LRRC49: variants seen among roughly 807,000 people sequenced by gnomAD.
The protein encoded by LRRC49 is leucine-rich repeat-containing protein 49.
A neutral mutation model predicts 83.3 loss-of-function variants in LRRC49; 50 were observed. That is an observed-to-expected ratio of 0.60 (90% CI 0.48 to 0.76). The LOEUF is 0.76. Among genes scored for constraint, LRRC49 ranks in the 30% least tolerant of loss-of-function variants. The pLI, the probability that LRRC49 is intolerant of heterozygous loss-of-function variation, is 0.00. For missense variants in LRRC49, 704 were observed against 809.1 expected, an observed-to-expected ratio of 0.87 and a Z score of 1.58; for synonymous variants, 286 against 283.3, an observed-to-expected ratio of 1.01 and a Z score of -0.10.
chr15:71,002,798 C>T (rs2038307336), intron 11 of LRRC49, among the ~76,000 whole-genome samples: 1 of 152,036 alleles, frequency 6.6e-6, no homozygotes, highest in Non-Finnish European at 1.5e-5. Flanking sequence ...AATAATCCTC[C>T]TAAATAATGT....
At chr15:70,856,443 G>T (rs964056910) in intron 1 of LRRC49, among the ~76,000 whole-genome samples, 1 of 151,956 alleles carries the variant, frequency 6.6e-6, no homozygotes. Flanking sequence ...ACTCTTAGGG[G>T]TACCCATTAA....
At chr15:70,919,256 G>A (rs1278095939) in intron 7 of LRRC49, 63 bp downstream of exon 7, 2 of 1,369,554 alleles carry the variant, frequency 1.5e-6, no homozygotes, top group East Asian at 2.4e-5. Context: ...TGAAACAAAT[G>A]TTGTAATATG....
chr15:70,874,037 A>G (rs2033104046), intron 2 of LRRC49, among the ~76,000 whole-genome samples: 1 of 152,186 alleles, frequency 6.6e-6, no homozygotes, highest in South Asian at 2.1e-4. Flanking sequence ...TGTTGTTAGT[A>G]AACCAGTGTG....
intron 8 of LRRC49, among the ~76,000 whole-genome samples, chr15:70,947,392 T>C (rs1053468091): frequency 4.6e-5 from 7 of 152,126 alleles, no homozygotes; most frequent in Non-Finnish European, 1.0e-4. Flanking sequence ...AAAAAGGCAT[T>C]GTGGAGAGTA....
At chr15:70,928,041 C>G (rs925713000) in intron 7 of LRRC49, among the ~76,000 whole-genome samples, 28 of 152,098 alleles carry the variant, frequency 1.8e-4, no homozygotes, top group Admixed American at 2.6e-4. Flanking sequence ...TCTTCATTAT[C>G]TTTTATTTAA....
upstream of LRRC49, chr15:70,891,967 C>G (rs1387863768): frequency 4.3e-6 from 7 of 1,613,422 alleles, no homozygotes; most frequent in Admixed American, 1.2e-4. Flanking sequence ...CTTGGTCTCC[C>G]TCCTCTCCCC....
At chr15:70,951,732 C>T (rs925604873) in intron 8 of LRRC49, among the ~76,000 whole-genome samples, 24 of 152,112 alleles carry the variant, frequency 1.6e-4, no homozygotes, top group African/African-American at 5.8e-4. Flanking sequence ...TTCTGTCTCC[C>T]TAATTTAGAT....
At chr15:70,931,880 G>A (rs2035420554) in intron 7 of LRRC49, among the ~76,000 whole-genome samples, 1 of 152,086 alleles carries the variant, frequency 6.6e-6, no homozygotes, top group Non-Finnish European at 1.5e-5. Context: ...TTTTTATGAG[G>A]GGTCTTTTTA....
At chr15:70,931,258 G>A (rs887154849) in intron 7 of LRRC49, among the ~76,000 whole-genome samples, 3 of 152,178 alleles carry the variant, frequency 2.0e-5, no homozygotes, top group Non-Finnish European at 4.4e-5. Context: ...GGACCAAGAA[G>A]AGGGAGAGAG....
chr15:70,987,255 C>T (rs1261697687), intron 11 of LRRC49, among the ~76,000 whole-genome samples: 1 of 152,116 alleles, frequency 6.6e-6, no homozygotes, highest in East Asian at 1.9e-4. Flanking sequence ...GCTGTGAATC[C>T]ATCTGGTCCT....
At chr15:70,953,637 G>T (rs1361012429) in intron 8 of LRRC49, among the ~76,000 whole-genome samples, 1 of 152,014 alleles carries the variant, frequency 6.6e-6, no homozygotes, top group Non-Finnish European at 1.5e-5. Context: ...GGTGTTCTCT[G>T]AGTTTCTTGA....
intron 7 of LRRC49, among the ~76,000 whole-genome samples, chr15:70,919,455 TAGTA>T (rs1463937723): frequency 6.6e-6 from 1 of 152,132 alleles, no homozygotes; most frequent in African/African-American, 2.4e-5. Flanking sequence ...TGTAAATGAG[TAGTA>T]AACCCTCTTC....
At chr15:70,921,237 G>T (rs867243424) in intron 7 of LRRC49, among the ~76,000 whole-genome samples, 1 of 152,174 alleles carries the variant, frequency 6.6e-6, no homozygotes, top group Non-Finnish European at 1.5e-5. Flanking sequence ...ACTTTCAGGG[G>T]TAGAAAGACT....
chr15:70,906,375 G>A (rs1402350673), intron 5 of LRRC49, among the ~76,000 whole-genome samples: 1 of 152,120 alleles, frequency 6.6e-6, no homozygotes, highest in Admixed American at 6.5e-5. Context: ...GATTACAGGC[G>A]TGAGCCACCG....
intron 15 of LRRC49, among the ~76,000 whole-genome samples, chr15:71,044,410 T>C (rs2039788330): frequency 1.3e-5 from 2 of 152,384 alleles, no homozygotes; most frequent in African/African-American, 4.8e-5. Flanking sequence ...AATATGCCTC[T>C]GTTAAGGAAA....
At chr15:70,892,182 G>A (rs1364016309), upstream of LRRC49, 91 of 1,610,206 alleles carry the variant, frequency 5.7e-5, no homozygotes, top group Non-Finnish European at 7.7e-5. Flanking sequence ...TCCCAGAGCA[G>A]CCGCACGGCC....
chr15:71,024,345 G>A (rs560366060), intron 14 of LRRC49, among the ~76,000 whole-genome samples: 1 of 152,322 alleles, frequency 6.6e-6, no homozygotes, highest in African/African-American at 2.4e-5. Flanking sequence ...ACCTTATACT[G>A]GAGCATTCCC....
At chr15:70,977,043 G>A (rs2037230903) in intron 9 of LRRC49, among the ~76,000 whole-genome samples, 1 of 152,158 alleles carries the variant, frequency 6.6e-6, no homozygotes. Flanking sequence ...CATCTCGTAA[G>A]TATGTGTAGT....
intron 11 of LRRC49, among the ~76,000 whole-genome samples, chr15:70,995,099 CAA>C (rs1004102583): frequency 2.0e-5 from 3 of 151,876 alleles, no homozygotes; most frequent in African/African-American, 7.3e-5. Flanking sequence ...TGAAAAAGAA[CAA>C]AGAGACAAGG....
Sources: allele counts gnomAD v4.1 joint callset (sites outside exome capture counted in the v4.1 genomes callset), GRCh38; gene constraint gnomAD v4.1.1; transcripts MANE v1.5; gene names NCBI Gene and HGNC (gene_info 2026-07-23, HGNC 2026-07-21).